RBM26: variants seen among roughly 807,000 people sequenced by gnomAD.
RBM26 encodes the protein RNA-binding protein 26.
RBM26 carries 30 observed loss-of-function variants against 123.6 expected under a neutral mutation model. The ratio of observed to expected loss-of-function variants is 0.24; its 90% CI spans 0.18 to 0.33. The LOEUF (loss-of-function observed/expected upper bound fraction) is 0.33. Ranked by LOEUF, RBM26 falls within the 10% of genes least tolerant of loss-of-function variation. The pLI, the probability that RBM26 is intolerant of heterozygous loss-of-function variation, is 1.00. For synonymous variants in RBM26, 400 were observed against 404.4 expected, an observed-to-expected ratio of 0.99 and a Z score of 0.13; for missense variants, 947 against 1,203.6, an observed-to-expected ratio of 0.79 and a Z score of 3.15.
At chr13:79,344,607 A>G (rs2071985039) in intron 15 of RBM26, 62 bp downstream of exon 15, 4 of 1,443,442 alleles carry the variant, frequency 2.8e-6, no homozygotes, top group Non-Finnish European at 3.8e-6. Flanking sequence ...CTGAAAAAAC[A>G]CATACACAAG....
At chr13:79,355,035 C>T (rs1009532641) in intron 12 of RBM26, among the ~76,000 whole-genome samples, 185 bp downstream of exon 12, 1 of 152,198 alleles carries the variant, frequency 6.6e-6, no homozygotes, top group Non-Finnish European at 1.5e-5. Flanking sequence ...CAATTAACAT[C>T]ACAATTATGA....
intron 3 of RBM26, among the ~76,000 whole-genome samples, chr13:79,374,578 G>A (rs1448060054): frequency 6.6e-6 from 1 of 152,124 alleles, no homozygotes; most frequent in Non-Finnish European, 1.5e-5. Flanking sequence ...AATCTTTAAA[G>A]CATTCTTTCA....
In RBM26 at chr13:79,382,795, G is replaced by C. The variant is rs571893801; in HGVS notation, c.72-3888C>G. ...GGAAAGAGTGCTGCTCTCCTATGCA[G>C]TAGAGTGTTAGTGCTTTCAGTTCTA... On this transcript the variant is annotated intron_variant, in intron 1 of 21. Coordinates refer to ENST00000438737, the MANE Select transcript of RBM26 (RefSeq NM_001366735.2). Among the ~76,000 whole-genome samples the C allele has an allele frequency of 2.0e-5, 3 of 152,120 alleles. No homozygotes were observed. The East Asian group carries it at 5.8e-4, about 29-fold the overall frequency.
At chr13:79,338,562 G>C (rs1453871210) in intron 18 of RBM26, among the ~76,000 whole-genome samples, 2 of 152,182 alleles carry the variant, frequency 1.3e-5, no homozygotes, top group Non-Finnish European at 2.9e-5. Context: ...GATAAGCCTG[G>C]AGAAAGGCAG....
intron 14 of RBM26, among the ~76,000 whole-genome samples, chr13:79,345,771 C>CA (rs2072220928): frequency 6.6e-6 from 1 of 151,576 alleles, no homozygotes; most frequent in African/African-American, 2.4e-5. Flanking sequence ...GGTAAGTACT[C>CA]AAAAAACATT....
At chr13:79,351,524 C>G (rs2073213011) in intron 14 of RBM26, among the ~76,000 whole-genome samples, 1 of 134,918 alleles carries the variant, frequency 7.4e-6, no homozygotes. Flanking sequence ...GTGGGGATAA[C>G]AGAAAAATCT....
chr13:79,319,340 A>G lies in RBM26; in HGVS notation c.*1281T>C. 1.0e-6 allele frequency: 1 copy of G among 983,174 alleles called. No individual in the cohort carries two copies. The highest frequency in any genetic ancestry group is 1.2e-6 in the Non-Finnish European group (1 of 828,054). 60.9% of individuals were successfully genotyped at this position (983,174 alleles called of 1,614,324 possible). ...CAATCAAAATGATGAATTTGAAAAT[A>G]TAAATATGTAATCTCCCACCCCCAT... On this transcript the variant is annotated 3_prime_UTR_variant, in exon 22 of 22. Coordinates refer to ENST00000438737, the MANE Select transcript of RBM26 (RefSeq NM_001366735.2).
chr13:79,349,061 T>C (rs2072782022), intron 14 of RBM26, among the ~76,000 whole-genome samples: 1 of 152,182 alleles, frequency 6.6e-6, no homozygotes. Flanking sequence ...ATCATCAAAT[T>C]GAAAAACTGT....
rs398023598 is a variant in RBM26, at chr13:79,386,591, T to TAAAAAAAAAAAAA, written c.72-7697_72-7685dup. ...ACATCAAGCCACAGAACTCTCTCTT[T>TAAAAAAAAAAAAA]AAAAAAAAAAAAAAAAAAAAGGTGT... On this transcript the variant is annotated intron_variant, in intron 1 of 21. Coordinates refer to ENST00000438737, the MANE Select transcript of RBM26 (RefSeq NM_001366735.2). Among the ~76,000 whole-genome samples the TAAAAAAAAAAAAA allele has an allele frequency of 1.1e-3, 98 of 92,808 alleles. 2 individuals carry two copies. Among genetic ancestry groups the TAAAAAAAAAAAAA allele is most frequent in the African/African-American group, 3.7e-3 (90 of 24,108 alleles). 60.9% of individuals were successfully genotyped at this position (92,808 alleles called of 152,430 possible). A position where few individuals can be genotyped will look rare whatever the true frequency, so the allele number is the denominator to read the frequency against.
intron 1 of RBM26, among the ~76,000 whole-genome samples, chr13:79,399,112 G>A (rs981486016): frequency 3.9e-5 from 6 of 152,174 alleles, no homozygotes; most frequent in Admixed American, 1.3e-4. Context: ...TGAGAGAGAG[G>A]AGTCATGGTG....
chr13:79,397,100 G>T (rs999800524), intron 1 of RBM26, among the ~76,000 whole-genome samples: 16 of 152,200 alleles, frequency 1.1e-4, no homozygotes, highest in African/African-American at 3.6e-4. Context: ...AGAATCGTTT[G>T]AACCTGGGAG....
At chr13:79,394,033 C>T (rs546580099) in intron 1 of RBM26, among the ~76,000 whole-genome samples, 12 of 152,276 alleles carry the variant, frequency 7.9e-5, no homozygotes, top group Admixed American at 5.9e-4. Flanking sequence ...ATTATTTGTG[C>T]GCCTGCGGCT....
intron 1 of RBM26, among the ~76,000 whole-genome samples, chr13:79,392,541 A>G (rs2078186710): frequency 6.8e-6 from 1 of 146,874 alleles, no homozygotes; most frequent in Non-Finnish European, 1.5e-5. Flanking sequence ...TATATTATAT[A>G]TAAACATAAT....
In RBM26 at chr13:79,320,323, T is replaced by C; in HGVS notation, c.*298A>G. The stretch of plus-strand genomic sequence containing the variant: ...ATTGGTCATAAGTTTTCAGACCTAT[T>C]CATTAAATTACAAAGAACCCAAAGA... On this transcript the variant is annotated 3_prime_UTR_variant, in exon 22 of 22. Transcript: ENST00000438737. The C allele has an allele frequency of 9.8e-7, 1 of 1,020,136 alleles. No individual in the cohort carries two copies. The highest frequency in any genetic ancestry group is 1.2e-6 in the Non-Finnish European group (1 of 850,356). 63.2% of individuals were successfully genotyped at this position (1,020,136 alleles called of 1,614,324 possible). A position where few individuals can be genotyped will look rare whatever the true frequency, so the allele number is the denominator to read the frequency against.
At chr13:79,327,474 G>T (rs572619825) in intron 20 of RBM26, among the ~76,000 whole-genome samples, 2 of 151,674 alleles carry the variant, frequency 1.3e-5, no homozygotes, top group African/African-American at 4.9e-5. Flanking sequence ...TTTTCTAAAG[G>T]TAAACGATGA....
At chr13:79,400,080 A>C (rs1352387595) in intron 1 of RBM26, among the ~76,000 whole-genome samples, 5 of 152,324 alleles carry the variant, frequency 3.3e-5, no homozygotes, top group African/African-American at 1.2e-4. Context: ...AATTCAATGC[A>C]AATGTGTATG....
At chr13:79,351,192 C>T (rs928231198) in intron 14 of RBM26, among the ~76,000 whole-genome samples, 11 of 152,134 alleles carry the variant, frequency 7.2e-5, no homozygotes, top group Admixed American at 5.9e-4. Flanking sequence ...AAGTCCAAAT[C>T]TGACATTACA....
intron 1 of RBM26, among the ~76,000 whole-genome samples, chr13:79,385,410 C>G (rs1438123559): frequency 2.0e-5 from 3 of 152,156 alleles, no homozygotes; most frequent in African/African-American, 7.2e-5. Flanking sequence ...TTGAGCATCA[C>G]ACAATCTATT....
chr13:79,361,783 C>T (rs775325932), intron 9 of RBM26, among the ~76,000 whole-genome samples: 3 of 152,102 alleles, frequency 2.0e-5, no homozygotes, highest in Non-Finnish European at 4.4e-5. Flanking sequence ...TGACATTTGT[C>T]AAGTAGTTAT....
Sources: gnomAD v4.1 joint callset for allele counts (sites outside exome capture counted in the v4.1 genomes callset) on GRCh38, gnomAD v4.1.1 for gene constraint, MANE v1.5 for transcripts, NCBI Gene and HGNC (gene_info 2026-07-23, HGNC 2026-07-21) for gene names.